Variants in CARMIL1 observed in about 807,000 individuals in gnomAD.
CARMIL1 encodes capping protein regulator and myosin 1 linker 1, also known as F-actin-uncapping protein LRRC16A.
CARMIL1 carries 90 observed loss-of-function variants against 177.1 expected under a neutral mutation model. The ratio of observed to expected loss-of-function variants is 0.51; its 90% CI spans 0.43 to 0.61. The LOEUF is 0.61. Ranked by LOEUF, CARMIL1 falls within the 20% of genes least tolerant of loss-of-function variation. The pLI, the probability that CARMIL1 is intolerant of heterozygous loss-of-function variation, is 0.00. For synonymous variants in CARMIL1, 577 were observed against 606.2 expected, an observed-to-expected ratio of 0.95 and a Z score of 0.71; for missense variants, 1,380 against 1,667.0, an observed-to-expected ratio of 0.83 and a Z score of 3.00.
At chr6:25,343,340 C>G (rs139288977) in intron 2 of CARMIL1, among the ~76,000 whole-genome samples, 1 of 148,124 alleles carries the variant, frequency 6.8e-6, no homozygotes, top group Non-Finnish European at 1.5e-5. Context: ...TTTGGACAAG[C>G]CAGTTTTACA....
At chr6:25,522,919 C>T (rs959408479) in intron 23 of CARMIL1, among the ~76,000 whole-genome samples, 1 of 152,118 alleles carries the variant, frequency 6.6e-6, no homozygotes, top group South Asian at 2.1e-4. Flanking sequence ...AAGTGATCCT[C>T]CCATCTCAAC....
At chr6:25,517,449 T>TA (rs757439732) in intron 22 of CARMIL1, 34 bp downstream of exon 22, 12 of 1,562,594 alleles carry the variant, frequency 7.7e-6, no homozygotes, top group Non-Finnish European at 9.7e-6. Context: ...TCTAGGAAAA[T>TA]AAAAAAACAA....
chr6:25,586,556 G>A (rs1463104129), intron 31 of CARMIL1, among the ~76,000 whole-genome samples: 3 of 151,830 alleles, frequency 2.0e-5, no homozygotes, highest in Non-Finnish European at 4.4e-5. Flanking sequence ...ACGGGGTGGC[G>A]GCCAGGCAGA....
At chr6:25,511,666 G>C (rs181505204) in intron 20 of CARMIL1, among the ~76,000 whole-genome samples, 1 of 152,228 alleles carries the variant, frequency 6.6e-6, no homozygotes. Context: ...ATTCATACCA[G>C]GGAAGAGCAA....
In CARMIL1 at chr6:25,495,144, A is replaced by G. The variant is rs368871200; in HGVS notation, c.1254A>G (p.Gln418=). The G allele has an allele frequency of 4.3e-6, 7 of 1,613,014 alleles. No homozygotes were observed. The highest frequency in any genetic ancestry group is 4.0e-5 in the African/African-American group (3 of 74,838). ...AAGAAGTACCTCCATCTTTCAAGCA[A>G]TTTTTTAGTAGTTCTCTGGCTTTGA... ...KGKEVPPSFK[Q]FFSSSLALMH... The change falls in exon 16 of 37, where the codon CAA becomes CAG. Residue 418 remains glutamine (Q), a synonymous_variant. Transcript: ENST00000329474.
intron 2 of CARMIL1, among the ~76,000 whole-genome samples, chr6:25,357,916 T>G (rs1217926144): frequency 2.0e-5 from 3 of 152,180 alleles, no homozygotes; most frequent in Non-Finnish European, 2.9e-5. Context: ...GAGTTTGAAA[T>G]CGTACATTTT....
intron 5 of CARMIL1, 84 bp downstream of exon 5, chr6:25,435,688 C>T (rs1797162311): frequency 2.1e-6 from 3 of 1,403,400 alleles, no homozygotes; most frequent in South Asian, 1.5e-5. Context: ...TCTTTTTACC[C>T]CTTCACTTAG....
intron 16 of CARMIL1, 53 bp downstream of exon 16, chr6:25,495,268 C>G: frequency 8.0e-7 from 1 of 1,252,718 alleles, no homozygotes; most frequent in Admixed American, 2.1e-5. Context: ...CTTATTTTTA[C>G]GAATGTGCTT....
chr6:25,534,449 G>A (rs212927), intron 24 of CARMIL1, among the ~76,000 whole-genome samples: 26,955 of 151,598 alleles, frequency 0.18, 2,557 homozygotes, highest in Middle Eastern at 0.23. Flanking sequence ...CACTGCTTGG[G>A]TTTGTTCTTT....
At chr6:25,500,413 A>T (rs949318680) in intron 17 of CARMIL1, among the ~76,000 whole-genome samples, 178 bp downstream of exon 17, 1 of 152,234 alleles carries the variant, frequency 6.6e-6, no homozygotes, top group Non-Finnish European at 1.5e-5. Flanking sequence ...GCCACAGAAC[A>T]TCATTTAGAA....
intron 32 of CARMIL1, among the ~76,000 whole-genome samples, chr6:25,598,393 C>T (rs1332562388): frequency 2.0e-5 from 3 of 152,002 alleles, no homozygotes; most frequent in Non-Finnish European, 4.4e-5. Flanking sequence ...CATGGACCAC[C>T]CCTCCCAGCT....
In CARMIL1 at chr6:25,336,553, T is replaced by C. The variant is rs374164091; in HGVS notation, c.138+51644T>C. ...CAGCTCTCATCTCTAATTAATAGTA[T>C]TTAAGGTTGTTTTAGGGTTAAATGA... is the stretch of plus-strand genomic sequence containing the variant. On this transcript the variant is annotated intron_variant, in intron 2 of 36. Coordinates refer to ENST00000329474, the MANE Select transcript of CARMIL1 (RefSeq NM_017640.6). 5.4e-4 allele frequency among the ~76,000 whole-genome samples: 82 copies of C among 152,338 alleles called. 1 individual carries two copies. Among genetic ancestry groups the C allele is most frequent in the African/African-American group, 1.9e-3 (77 of 41,560 alleles).
At chr6:25,302,480 C>T (rs770726450) in intron 2 of CARMIL1, among the ~76,000 whole-genome samples, 4 of 152,286 alleles carry the variant, frequency 2.6e-5, no homozygotes, top group South Asian at 2.1e-4. Flanking sequence ...GTAAACTACT[C>T]GAGAGTCCAG....
chr6:25,525,477 A>G (rs1807005820), intron 23 of CARMIL1, among the ~76,000 whole-genome samples: 1 of 152,232 alleles, frequency 6.6e-6, no homozygotes, highest in Non-Finnish European at 1.5e-5. Flanking sequence ...GTCTTGCAAG[A>G]AATGTTAAAA....
intron 5 of CARMIL1, among the ~76,000 whole-genome samples, chr6:25,447,322 T>C (rs923640313): frequency 2.6e-5 from 4 of 152,244 alleles, no homozygotes; most frequent in Non-Finnish European, 5.9e-5. Flanking sequence ...TTGATATGTA[T>C]TTGAGGTTTT....
chr6:25,327,688 TA>T (rs1260310291), intron 2 of CARMIL1, among the ~76,000 whole-genome samples: 5 of 151,880 alleles, frequency 3.3e-5, no homozygotes, highest in Non-Finnish European at 7.4e-5. Context: ...CATTCAAGAT[TA>T]AAAAAAAATT....
chr6:25,486,849 A>G (rs533376591), intron 12 of CARMIL1, among the ~76,000 whole-genome samples: 1 of 152,302 alleles, frequency 6.6e-6, no homozygotes, highest in South Asian at 2.1e-4. Flanking sequence ...TAGGATTTCC[A>G]TAAAGGTTTA....
At chr6:25,303,520 C>T (rs1210637704) in intron 2 of CARMIL1, among the ~76,000 whole-genome samples, 1 of 152,198 alleles carries the variant, frequency 6.6e-6, no homozygotes, top group Non-Finnish European at 1.5e-5. Flanking sequence ...TTCTCCATTT[C>T]TCTGTTCTTA....
At chr6:25,362,537 G>A (rs1241704432) in intron 2 of CARMIL1, among the ~76,000 whole-genome samples, 1 of 152,186 alleles carries the variant, frequency 6.6e-6, no homozygotes, top group African/African-American at 2.4e-5. Context: ...ATCTGGGCAT[G>A]GTGGCACATG....
Sources: gnomAD v4.1 joint callset for allele counts (sites outside exome capture counted in the v4.1 genomes callset) on GRCh38, gnomAD v4.1.1 for gene constraint, MANE v1.5 for transcripts, NCBI Gene and HGNC (gene_info 2026-07-23, HGNC 2026-07-21) for gene names.